The following SPINK5 variants were observed in gnomAD, a reference collection of about 807,000 sequenced individuals.
The protein encoded by SPINK5 is serine peptidase inhibitor Kazal type 5, also known as serine protease inhibitor Kazal-type 5.
SPINK5 carries 125 observed loss-of-function variants against 151.8 expected under a neutral mutation model. The ratio of observed to expected loss-of-function variants is 0.82; its 90% CI spans 0.71 to 0.96. The LOEUF is 0.96. SPINK5 is among the 40% of genes least tolerant of loss of function. The probability of loss-of-function intolerance (pLI) is 0.00; values close to 1 mark genes in which losing one functional copy is unlikely to be tolerated. For synonymous variants in SPINK5, 374 were observed against 395.3 expected (o/e 0.95, Z 0.64); for missense variants, 1,194 against 1,291.9 (o/e 0.92, Z 1.16).
At chr5:148,066,519 T>G (rs961913603) in intron 2 of SPINK5, among the ~76,000 whole-genome samples, 1 of 151,244 alleles carries the variant, frequency 6.6e-6, no homozygotes, top group African/African-American at 2.5e-5. Flanking sequence ...TTTGTTGCAA[T>G]GATTTTTTTT....
At chr5:148,101,715 T>C (rs888512404) in intron 14 of SPINK5, 66 bp from the exon 15 acceptor site, 2 of 1,610,760 alleles carry the variant, frequency 1.2e-6, no homozygotes, top group Admixed American at 3.3e-5. Context: ...GTACAAGCTT[T>C]AGCTATTTTT....
At chr5:148,088,484 T>A in intron 5 of SPINK5, 58 bp from the exon 6 acceptor site, 1 of 1,492,644 alleles carries the variant, frequency 6.7e-7, no homozygotes, top group Non-Finnish European at 9.3e-7. Context: ...CAGTTAGGTT[T>A]GAATGGTGGG....
intron 26 of SPINK5, 137 bp downstream of exon 26, chr5:148,120,528 G>C (rs1458379115): frequency 2.4e-5 from 27 of 1,128,814 alleles, no homozygotes; most frequent in Non-Finnish European, 3.4e-5. Context: ...GTCATGGCCA[G>C]ATCTTGAAAA....
rs528798568 is a variant in SPINK5 at position 148,094,406 on chromosome 5, C to G, written c.719C>G (p.Thr240Arg). The G allele has an allele frequency of 6.2e-7, 1 of 1,612,716 alleles. No homozygotes were observed. Among genetic ancestry groups the G allele is most frequent in the South Asian group, 1.1e-5 (1 of 91,056 alleles). The change falls in exon 9 of 33, where the codon ACA becomes AGA. Residue 240 changes from threonine (T) to arginine (R), a missense_variant. By Grantham distance (71) the Thr-to-Arg change is moderately conservative (BLOSUM62 -1). Coordinates refer to ENST00000256084, the MANE Select transcript of SPINK5 (RefSeq NM_006846.4). ...KQVRNGRLFC[T>R]RESDPVRGPD... The stretch of plus-strand genomic sequence containing the variant: ...GTGAGAAATGGAAGGCTTTTTTGTA[C>G]ACGGGAGAGTGATCCAGTCCGTGGC...
chr5:148,102,902 G>C (rs139855494), intron 15 of SPINK5, among the ~76,000 whole-genome samples: 1 of 151,976 alleles, frequency 6.6e-6, no homozygotes, highest in East Asian at 1.9e-4. Context: ...CTATTGATAG[G>C]GTGCCTAAAA....
At chr5:148,079,256 A>T (rs925433003) in intron 4 of SPINK5, among the ~76,000 whole-genome samples, 1 of 151,230 alleles carries the variant, frequency 6.6e-6, no homozygotes, top group South Asian at 2.1e-4. Context: ...GACTTACAGC[A>T]TAAGTAAAGA....
At chr5:148,064,158 G>A (rs368647810) in intron 1 of SPINK5, 59 bp downstream of exon 1, 26 of 1,600,366 alleles carry the variant, frequency 1.6e-5, no homozygotes, top group Non-Finnish European at 2.2e-5. Context: ...CCTGGGGAAG[G>A]GACTTTTCTC....
rs577616728 is a variant in SPINK5, at chr5:148,114,457, T to C, written c.1983T>C (p.His661=). The stretch of plus-strand genomic sequence containing the variant: ...TGCGTGGCCCAGATGGCAAGACCCA[T>C]GGCAACAAGTGTGCCATGTGTAAGG... ...DPVRGPDGKT[H]GNKCAMCKAV... Residue 661 remains histidine (H), a synonymous_variant, in exon 21 of 33, where the codon CAT becomes CAC. Transcript: ENST00000256084. 13 of 1,613,642 alleles carry C rather than the reference T, an allele frequency of 8.1e-6. No homozygotes were observed. The Admixed American group carries it at 1.2e-4, about 14-fold the overall frequency.
chr5:148,078,917 A>G (rs1752951878), intron 4 of SPINK5, among the ~76,000 whole-genome samples: 1 of 150,774 alleles, frequency 6.6e-6, no homozygotes, highest in East Asian at 2.0e-4. Context: ...GAAACATATA[A>G]GGATTGGAGC....
chr5:148,099,021 CG>C (rs1398865456), intron 11 of SPINK5, among the ~76,000 whole-genome samples: 2 of 151,986 alleles, frequency 1.3e-5, no homozygotes, highest in Non-Finnish European at 2.9e-5. Context: ...CCACTATTGC[CG>C]TCTTTCTTTC....
At chr5:148,098,335 G>T (rs1216061353) in intron 11 of SPINK5, among the ~76,000 whole-genome samples, 1 of 151,930 alleles carries the variant, frequency 6.6e-6, no homozygotes, top group Non-Finnish European at 1.5e-5. Context: ...AGAGTCCAAA[G>T]GTGATGCTTA....
intron 32 of SPINK5, among the ~76,000 whole-genome samples, chr5:148,135,215 C>T (rs1453144085): frequency 6.6e-6 from 1 of 152,080 alleles, no homozygotes; most frequent in Non-Finnish European, 1.5e-5. Flanking sequence ...TATAGAAATT[C>T]TTAGTAGTTG....
chr5:148,102,186 T>TA (rs1265283662), intron 15 of SPINK5, among the ~76,000 whole-genome samples: 1 of 151,940 alleles, frequency 6.6e-6, no homozygotes, highest in African/African-American at 2.4e-5. Context: ...TAACTCATAG[T>TA]AGAGAGTAGG....
At chr5:148,107,449 T>C (rs1208099520) in intron 17 of SPINK5, among the ~76,000 whole-genome samples, 1 of 152,130 alleles carries the variant, frequency 6.6e-6, no homozygotes, top group African/African-American at 2.4e-5. Flanking sequence ...AGCAGAAATT[T>C]CATGATTTGG....
At chr5:148,108,490 G>C (rs374674057) in intron 17 of SPINK5, among the ~76,000 whole-genome samples, 1 of 152,008 alleles carries the variant, frequency 6.6e-6, no homozygotes, top group South Asian at 2.1e-4. Context: ...AATTAGCGAC[G>C]TACAAAAAAT....
intron 29 of SPINK5, among the ~76,000 whole-genome samples, chr5:148,126,223 T>G (rs1754426802): frequency 6.6e-6 from 1 of 152,140 alleles, no homozygotes; most frequent in Non-Finnish European, 1.5e-5. Flanking sequence ...TATCAGAATC[T>G]TGGGGCTATG....
At position 148,107,136 on chromosome 5, in the gene SPINK5, A is replaced by C; in HGVS notation, c.1579A>C (p.Asn527His). 1 of 1,612,874 alleles carries C rather than the reference A, an allele frequency of 6.2e-7. No individual in the cohort carries two copies. The highest frequency in any genetic ancestry group is 8.5e-7 in the Non-Finnish European group (1 of 1,179,186). Residue 527 changes from asparagine (N) to histidine (H), a missense_variant, in exon 17 of 33, where the codon AAC becomes CAC. Asn to His is a moderately conservative substitution (Grantham distance 68). Transcript: ENST00000256084. Reference protein sequence around the residue: ...VRGPDGKMHGNKCAMCASVFK... With the variant: ...VRGPDGKMHGHKCAMCASVFK... The stretch of plus-strand genomic sequence containing the variant: ...TGGCCCAGATGGCAAAATGCATGGA[A>C]ACAAGTGTGCCATGTGTGCCAGTGT...
At chr5:148,066,384 T>G (rs1311215664) in intron 2 of SPINK5, among the ~76,000 whole-genome samples, 1 of 152,184 alleles carries the variant, frequency 6.6e-6, no homozygotes, top group African/African-American at 2.4e-5. Flanking sequence ...CTTAAATGTT[T>G]TGCTGAATAT....
Position 148,137,299 on chromosome 5 carries a change from T to A in SPINK5, c.*308T>A. 2.1e-6 allele frequency: 1 copy of A among 465,360 alleles called. No homozygotes were observed. The highest frequency in any genetic ancestry group is 3.5e-5 in the Admixed American group (1 of 28,760). 28.8% of individuals were successfully genotyped at this position (465,360 alleles called of 1,614,324 possible). A position where few individuals can be genotyped will look rare whatever the true frequency, so the allele number is the denominator to read the frequency against. On this transcript the variant is annotated 3_prime_UTR_variant, in exon 33 of 33. Coordinates refer to ENST00000256084, the MANE Select transcript of SPINK5 (RefSeq NM_006846.4). ...CTCAGCAGAACACCCTTTCTGGGAT[T>A]TCTTTGTCACTATCTGGATAATAGA...
Sources: gnomAD v4.1 joint callset for allele counts (sites outside exome capture counted in the v4.1 genomes callset) on GRCh38, gnomAD v4.1.1 for gene constraint, MANE v1.5 for transcripts, NCBI Gene and HGNC (gene_info 2026-07-23, HGNC 2026-07-21) for gene names.